Variants in WDR70 observed in about 807,000 individuals in gnomAD.
The protein encoded by WDR70 is WD repeat-containing protein 70.
A neutral mutation model predicts 88.6 loss-of-function variants in WDR70; 53 were observed. The observed-to-expected ratio is 0.60, with a 90% CI of 0.48 to 0.75. The LOEUF is 0.75. Among genes scored for constraint, WDR70 ranks in the 30% least tolerant of loss-of-function variants. The pLI is 0.00. For missense variants in WDR70, 610 were observed against 823.2 expected (o/e 0.74, Z 3.17); for synonymous variants, 280 against 270.0 (o/e 1.04, Z -0.36).
chr5:37,707,921 G>GAA (rs1187436953), intron 13 of WDR70, among the ~76,000 whole-genome samples: 9 of 15,146 alleles, frequency 5.9e-4, no homozygotes, highest in African/African-American at 9.1e-4. Context: ...CTCAAAAAAA[G>GAA]AAAAAAAAAA....
intron 9 of WDR70, among the ~76,000 whole-genome samples, chr5:37,523,163 A>C (rs1741149038): frequency 6.6e-6 from 1 of 152,224 alleles, no homozygotes; most frequent in Non-Finnish European, 1.5e-5. Context: ...TTGAGATCTG[A>C]GAATGAACAG....
At chr5:37,625,240 T>C (rs1194475949) in intron 10 of WDR70, among the ~76,000 whole-genome samples, 1 of 151,902 alleles carries the variant, frequency 6.6e-6, no homozygotes. Flanking sequence ...GTTCCATTTG[T>C]AGTTTTTTGA....
intron 9 of WDR70, among the ~76,000 whole-genome samples, chr5:37,569,527 A>G (rs1231754550): frequency 6.6e-6 from 1 of 152,182 alleles, no homozygotes; most frequent in African/African-American, 2.4e-5. Context: ...TGATCTTATT[A>G]AAAGGGGAAA....
intron 8 of WDR70, among the ~76,000 whole-genome samples, chr5:37,511,440 C>CT (rs199857733): frequency 1.0e-3 from 145 of 145,130 alleles, no homozygotes; most frequent in Admixed American, 3.1e-3. Context: ...GTAGTACTTT[C>CT]TTTTTTTTTT....
chr5:37,733,381 G>A (rs1200327257), intron 17 of WDR70, among the ~76,000 whole-genome samples: 3 of 152,024 alleles, frequency 2.0e-5, no homozygotes, highest in Non-Finnish European at 4.4e-5. Flanking sequence ...ATCGAAAGTG[G>A]ATATTTTTGA....
chr5:37,513,578 T>C (rs888560401), intron 8 of WDR70, among the ~76,000 whole-genome samples: 2 of 151,686 alleles, frequency 1.3e-5, no homozygotes, highest in Admixed American at 6.6e-5. Flanking sequence ...TACAGGGGAG[T>C]TGATCAAGTA....
chr5:37,672,395 T>A (rs1040492081), intron 10 of WDR70, among the ~76,000 whole-genome samples: 1 of 152,024 alleles, frequency 6.6e-6, no homozygotes, highest in African/African-American at 2.4e-5. Flanking sequence ...CTCCTGCATG[T>A]CCCTGGGAAC....
At chr5:37,707,100 A>G (rs965128803) in intron 13 of WDR70, among the ~76,000 whole-genome samples, 1 of 152,198 alleles carries the variant, frequency 6.6e-6, no homozygotes, top group Non-Finnish European at 1.5e-5. Flanking sequence ...TGAAATAACA[A>G]TATTATTAGC....
At chr5:37,714,351 C>T (rs1747596595) in intron 13 of WDR70, among the ~76,000 whole-genome samples, 1 of 152,122 alleles carries the variant, frequency 6.6e-6, no homozygotes, top group South Asian at 2.1e-4. Flanking sequence ...TAAAGGAGCC[C>T]AGGTCTGTGT....
chr5:37,632,600 G>T (rs1744847408), intron 10 of WDR70, among the ~76,000 whole-genome samples: 1 of 152,086 alleles, frequency 6.6e-6, no homozygotes, highest in Non-Finnish European at 1.5e-5. Context: ...ATAGACAAAA[G>T]TTTATAGAGT....
chr5:37,600,343 C>T (rs1027567882), intron 9 of WDR70, among the ~76,000 whole-genome samples: 10 of 151,826 alleles, frequency 6.6e-5, no homozygotes, highest in Admixed American at 1.3e-4. Flanking sequence ...CTGGCTAACA[C>T]GGTGAAACCC....
intron 10 of WDR70, among the ~76,000 whole-genome samples, chr5:37,651,697 G>A (rs4541680): frequency 1.3e-5 from 2 of 152,076 alleles, no homozygotes; most frequent in South Asian, 2.1e-4. Context: ...TTTGCATTTC[G>A]CTAATGACCA....
Position 37,701,038 on chromosome 5 carries a change from TCCCCTCA to T in WDR70, c.1193-19_1193-13del. 1.3e-6 allele frequency: 2 copies of T among 1,518,208 alleles called. No homozygotes were observed. Among genetic ancestry groups the T allele is most frequent in the Admixed American group, 1.7e-5 (1 of 59,370 alleles). 94.0% of individuals were successfully genotyped at this position (1,518,208 alleles called of 1,614,324 possible). ...ACAATTCACTTTTCTGTCTTTTTTT[TCCCCTCA>T]TTCCTCTGTCAGGTGACGATTCATT... On this transcript the variant is annotated splice_polypyrimidine_tract_variant and intron_variant, in intron 11 of 17. Transcript: ENST00000265107.
At chr5:37,650,287 G>A (rs1745365081) in intron 10 of WDR70, among the ~76,000 whole-genome samples, 1 of 151,630 alleles carries the variant, frequency 6.6e-6, no homozygotes, top group Admixed American at 6.6e-5. Flanking sequence ...TGTAGTCCCA[G>A]CTACTCAGGA....
chr5:37,417,876 A>G (rs1749810702), intron 5 of WDR70, among the ~76,000 whole-genome samples: 1 of 152,226 alleles, frequency 6.6e-6, no homozygotes, highest in South Asian at 2.1e-4. Flanking sequence ...GGTATTCAGC[A>G]GTAAACTCTG....
chr5:37,529,322 A>G (rs1273078024), intron 9 of WDR70, among the ~76,000 whole-genome samples: 1 of 151,966 alleles, frequency 6.6e-6, no homozygotes, highest in Non-Finnish European at 1.5e-5. Context: ...TTGGTTCCCT[A>G]TGAATTTTGA....
At chr5:37,542,249 C>T (rs188035662) in intron 9 of WDR70, among the ~76,000 whole-genome samples, 1 of 151,020 alleles carries the variant, frequency 6.6e-6, no homozygotes, top group Admixed American at 6.6e-5. Context: ...GACATTAAAT[C>T]TAGTCGCTTT....
intron 13 of WDR70, among the ~76,000 whole-genome samples, chr5:37,716,647 T>C (rs1171115699): frequency 6.6e-6 from 1 of 151,984 alleles, no homozygotes; most frequent in African/African-American, 2.4e-5. Flanking sequence ...TGGGATGAGA[T>C]TATTAATTTT....
chr5:37,531,572 T>C (rs566177270), intron 9 of WDR70, among the ~76,000 whole-genome samples: 1 of 149,104 alleles, frequency 6.7e-6, no homozygotes, highest in East Asian at 2.0e-4. Flanking sequence ...AAGCTGCTGT[T>C]GCTTTAAAGT....
Sources: gnomAD v4.1 joint callset for allele counts (sites outside exome capture counted in the v4.1 genomes callset) on GRCh38, gnomAD v4.1.1 for gene constraint, MANE v1.5 for transcripts, NCBI Gene and HGNC (gene_info 2026-07-23, HGNC 2026-07-21) for gene names.